Variants in PEPD observed in about 807,000 individuals in gnomAD.
The protein encoded by PEPD is xaa-Pro dipeptidase.
A neutral mutation model predicts 60.7 loss-of-function variants in PEPD; 53 were observed. The observed-to-expected ratio is 0.87, with a 90% confidence interval of 0.70 to 1.10. The LOEUF (loss-of-function observed/expected upper bound fraction) is 1.10. PEPD is among the 50% of genes least tolerant of loss of function. PEPD has a pLI of 0.00. For synonymous variants in PEPD, 267 were observed against 284.1 expected, an observed-to-expected ratio of 0.94 and a Z score of 0.60; for missense variants, 711 against 711.9, an observed-to-expected ratio of 1.00 and a Z score of 0.01.
intron 9 of PEPD, among the ~76,000 whole-genome samples, chr19:33,426,030 G>C (rs1257970500): frequency 6.6e-6 from 1 of 152,148 alleles, no homozygotes; most frequent in Non-Finnish European, 1.5e-5. Flanking sequence ...ATGTTGCCCA[G>C]GCTGCTCTCG....
At chr19:33,428,106 G>A (rs1969189202) in intron 9 of PEPD, among the ~76,000 whole-genome samples, 1 of 152,268 alleles carries the variant, frequency 6.6e-6, no homozygotes, top group Non-Finnish European at 1.5e-5. Flanking sequence ...GCATAGCCAG[G>A]AGCCAGGAAG....
intron 13 of PEPD, chr19:33,388,702 C>T (rs557361247): frequency 7.7e-4 from 137 of 177,012 alleles, no homozygotes; most frequent in Non-Finnish European, 1.4e-3. Context: ...GAGGAGAGCT[C>T]GGGGCCTTAC....
intron 3 of PEPD, among the ~76,000 whole-genome samples, chr19:33,504,561 C>G (rs1433853135): frequency 6.6e-6 from 1 of 152,176 alleles, no homozygotes; most frequent in African/African-American, 2.4e-5. Flanking sequence ...GTCAGGAGTT[C>G]AAGACCAGCC....
At chr19:33,421,142 G>T (rs1290079811) in intron 9 of PEPD, among the ~76,000 whole-genome samples, 2 of 152,188 alleles carry the variant, frequency 1.3e-5, no homozygotes, top group Admixed American at 6.5e-5. Flanking sequence ...GCTATTATGG[G>T]TAGTACAGCC....
intron 6 of PEPD, among the ~76,000 whole-genome samples, chr19:33,488,780 CAG>C (rs1270590866): frequency 6.6e-6 from 1 of 152,168 alleles, no homozygotes; most frequent in South Asian, 2.1e-4. Context: ...ACATCACACA[CAG>C]AGATTCCAGC....
chr19:33,492,870 C>G (rs1311262715), intron 5 of PEPD, among the ~76,000 whole-genome samples: 1 of 152,096 alleles, frequency 6.6e-6, no homozygotes, highest in African/African-American at 2.4e-5. Context: ...ATGACCATTC[C>G]TCTTGGTTTA....
intron 11 of PEPD, among the ~76,000 whole-genome samples, chr19:33,406,252 G>A (rs942956690): frequency 6.6e-6 from 1 of 152,240 alleles, no homozygotes; most frequent in Non-Finnish European, 1.5e-5. Context: ...GACAAGTGCT[G>A]TTCAAACTGT....
chr19:33,454,813 A>G (rs1969766789), intron 9 of PEPD, among the ~76,000 whole-genome samples: 1 of 152,184 alleles, frequency 6.6e-6, no homozygotes, highest in Admixed American at 6.5e-5. Context: ...GAGAAACCTG[A>G]CAAGCACTAC....
At chr19:33,446,318 A>G (rs569004058) in intron 9 of PEPD, among the ~76,000 whole-genome samples, 1 of 152,354 alleles carries the variant, frequency 6.6e-6, no homozygotes, top group South Asian at 2.1e-4. Flanking sequence ...AAATGATTCA[A>G]AGACTCCAGC....
At chr19:33,391,230 C>T in intron 13 of PEPD, 65 bp downstream of exon 13, 1 of 1,341,372 alleles carries the variant, frequency 7.5e-7, no homozygotes, top group Non-Finnish European at 1.1e-6. Flanking sequence ...TCCCACCCTG[C>T]CCTGGGGGTC....
chr19:33,465,461 G>A (rs1970004448), intron 7 of PEPD, among the ~76,000 whole-genome samples: 1 of 152,210 alleles, frequency 6.6e-6, no homozygotes. Flanking sequence ...CCCCTCTACT[G>A]GTCTCCTTGA....
rs1309877287 is a variant in PEPD at position 33,432,298 on chromosome 19, C to T, written c.672-18655G>A. 4.6e-5 allele frequency among the ~76,000 whole-genome samples: 7 copies of T among 152,358 alleles called. No individual in the cohort carries two copies. The East Asian group carries it at 1.4e-3, about 29-fold the overall frequency. ...GGAATCAGATTCTTTGGCAAAACCTCTGTCTGCACACGGAGGTATCCCTTT... is the reference window on the plus strand; with the variant it reads ...GGAATCAGATTCTTTGGCAAAACCTTTGTCTGCACACGGAGGTATCCCTTT... On this transcript the variant is annotated intron_variant, in intron 9 of 14. Coordinates refer to ENST00000244137, the MANE Select transcript of PEPD (RefSeq NM_000285.4).
intron 9 of PEPD, among the ~76,000 whole-genome samples, chr19:33,431,432 G>C (rs562899671): frequency 1.2e-4 from 19 of 152,188 alleles, no homozygotes; most frequent in Non-Finnish European, 2.5e-4. Context: ...ATTTCCCCAA[G>C]AGGAGACAGA....
intron 6 of PEPD, among the ~76,000 whole-genome samples, chr19:33,481,014 A>G (rs547358199): frequency 6.6e-6 from 1 of 152,234 alleles, no homozygotes; most frequent in African/African-American, 2.4e-5. Flanking sequence ...TCTGACCACA[A>G]TGGAATGAAA....
intron 9 of PEPD, among the ~76,000 whole-genome samples, chr19:33,432,272 T>C (rs998442491): frequency 3.9e-5 from 6 of 152,300 alleles, no homozygotes; most frequent in Middle Eastern, 6.8e-3. Context: ...CCTTCTTCTC[T>C]GGAATCAGAT....
intron 9 of PEPD, among the ~76,000 whole-genome samples, chr19:33,460,839 C>G (rs1387433703): frequency 4.6e-5 from 7 of 152,180 alleles, no homozygotes; most frequent in Non-Finnish European, 8.8e-5. Flanking sequence ...AAGAGCCACT[C>G]TGGTCCACGC....
intron 3 of PEPD, among the ~76,000 whole-genome samples, chr19:33,504,613 A>C (rs1210873643): frequency 6.6e-6 from 1 of 152,104 alleles, no homozygotes; most frequent in Non-Finnish European, 1.5e-5. Context: ...AAAATACAAA[A>C]AAATTAGCTG....
chr19:33,439,330 G>A (rs1020330914), intron 9 of PEPD, among the ~76,000 whole-genome samples: 4 of 152,216 alleles, frequency 2.6e-5, no homozygotes, highest in African/African-American at 4.8e-5. Flanking sequence ...AGGGGTCCTG[G>A]CTGTTGGTGG....
At position 33,487,608 on chromosome 19, in the gene PEPD, T is replaced by A. The variant is rs1044548586; in HGVS notation, c.503+2388A>T. Among the ~76,000 whole-genome samples, 12 of 152,242 alleles carry A rather than the reference T, an allele frequency of 7.9e-5. No individual in the cohort carries two copies. In the East Asian group the frequency reaches 1.7e-3, roughly 22 times the overall value. On this transcript the variant is annotated intron_variant, in intron 6 of 14. Transcript: ENST00000244137. ...CCAGCACCCGGGGTGGGGGGCAGTGTCTCAGCCCAGCCCCCAGCTGAGGGG... is the reference window on the plus strand; with the variant it reads ...CCAGCACCCGGGGTGGGGGGCAGTGACTCAGCCCAGCCCCCAGCTGAGGGG...
Sources: allele counts gnomAD v4.1 joint callset (sites outside exome capture counted in the v4.1 genomes callset), GRCh38; gene constraint gnomAD v4.1.1; transcripts MANE v1.5; gene names NCBI Gene and HGNC (gene_info 2026-07-23, HGNC 2026-07-21).